RALGPS2: variants seen among roughly 807,000 people sequenced by gnomAD.
The protein encoded by RALGPS2 is Ral GEF with PH domain and SH3 binding motif 2.
A neutral mutation model predicts 86.8 loss-of-function variants in RALGPS2; 43 were observed. That is an observed-to-expected ratio of 0.50 (90% CI 0.39 to 0.64). RALGPS2 has a LOEUF of 0.64. Ranked by LOEUF, RALGPS2 falls within the 30% of genes least tolerant of loss-of-function variation. The pLI, the probability that RALGPS2 is intolerant of heterozygous loss-of-function variation, is 0.00. For missense variants in RALGPS2, 536 were observed against 694.6 expected (o/e 0.77, Z 2.57); for synonymous variants, 243 against 231.3 (o/e 1.05, Z -0.46).
intron 1 of RALGPS2, among the ~76,000 whole-genome samples, chr1:178,727,446 A>G (rs572352374): frequency 6.6e-6 from 1 of 152,282 alleles, no homozygotes; most frequent in Admixed American, 6.5e-5. Context: ...GTTTGCCTAA[A>G]TTTTTTCAGA....
chr1:178,758,774 T>G (rs1189443859), intron 1 of RALGPS2, among the ~76,000 whole-genome samples: 1 of 152,214 alleles, frequency 6.6e-6, no homozygotes, highest in African/African-American at 2.4e-5. Context: ...TGTATATGTA[T>G]AATATTTTCT....
intron 8 of RALGPS2, among the ~76,000 whole-genome samples, chr1:178,837,990 C>T (rs186573325): frequency 1.9e-3 from 288 of 152,178 alleles, no homozygotes; most frequent in Non-Finnish European, 2.8e-3. Flanking sequence ...AAGGGGCATC[C>T]GCCATTGCTG....
intron 1 of RALGPS2, among the ~76,000 whole-genome samples, chr1:178,766,227 C>T (rs1041303766): frequency 5.3e-5 from 8 of 152,072 alleles, no homozygotes; most frequent in African/African-American, 9.7e-5. Context: ...TTATGTTCTT[C>T]GGCCATGGCT....
intron 8 of RALGPS2, among the ~76,000 whole-genome samples, chr1:178,839,342 A>C (rs543268735): frequency 6.6e-6 from 1 of 152,348 alleles, no homozygotes; most frequent in East Asian, 1.9e-4. Flanking sequence ...GGCAGAAGAG[A>C]GTGAGGGCCA....
At chr1:178,753,261 T>G (rs1339018588) in intron 1 of RALGPS2, among the ~76,000 whole-genome samples, 1 of 152,224 alleles carries the variant, frequency 6.6e-6, no homozygotes, top group Non-Finnish European at 1.5e-5. Context: ...CTTTCATTCT[T>G]ACACATTTGA....
In RALGPS2 at chr1:178,879,619, A is replaced by G. The variant is rs187942165; in HGVS notation, c.836+627A>G. On this transcript the variant is annotated intron_variant, in intron 10 of 19. Transcript: ENST00000367635. ...ACCAGCCTGACCAATATAGTGAAAC[A>G]CTGTCTGTACTAAAAATACAGAATT... 3.3e-3 allele frequency: 509 copies of G among 152,214 alleles called. 2 individuals carry two copies. The highest frequency in any genetic ancestry group is 0.01 in the Middle Eastern group (3 of 296). The allele number at this position is 152,214 out of a possible 1,614,324, so 9.4% of individuals were successfully genotyped here.
chr1:178,844,863 A>C (rs1226373348), intron 8 of RALGPS2, among the ~76,000 whole-genome samples: 1 of 152,182 alleles, frequency 6.6e-6, no homozygotes, highest in Non-Finnish European at 1.5e-5. Flanking sequence ...TATGTACTAC[A>C]AAGATGCAGT....
intron 1 of RALGPS2, among the ~76,000 whole-genome samples, chr1:178,728,677 C>G (rs1360076429): frequency 1.3e-5 from 2 of 152,038 alleles, no homozygotes; most frequent in Non-Finnish European, 2.9e-5. Context: ...TTGCATTACC[C>G]TGTAAATTGT....
chr1:178,753,522 G>C (rs751202400), intron 1 of RALGPS2: 1 of 152,110 alleles, frequency 6.6e-6, no homozygotes, highest in Non-Finnish European at 1.5e-5. Flanking sequence ...CTGTTCCTCG[G>C]CTCATTTTGT....
At chr1:178,860,941 G>A (rs773374961) in intron 8 of RALGPS2, among the ~76,000 whole-genome samples, 6 of 152,122 alleles carry the variant, frequency 3.9e-5, no homozygotes, top group Non-Finnish European at 7.4e-5. Flanking sequence ...GTGAATAATT[G>A]AGCACATTGT....
intron 1 of RALGPS2, among the ~76,000 whole-genome samples, chr1:178,728,850 C>T (rs1183836906): frequency 6.6e-6 from 1 of 152,030 alleles, no homozygotes. Flanking sequence ...AAATAAAACA[C>T]TGGAATTTAA....
intron 8 of RALGPS2, among the ~76,000 whole-genome samples, chr1:178,870,582 A>G (rs1658695120): frequency 1.3e-5 from 2 of 152,184 alleles, no homozygotes; most frequent in African/African-American, 4.8e-5. Context: ...TAATGTTTTT[A>G]TGTCAAGTTG....
At chr1:178,743,637 C>G (rs992629861) in intron 1 of RALGPS2, among the ~76,000 whole-genome samples, 75 of 152,098 alleles carry the variant, frequency 4.9e-4, no homozygotes, top group African/African-American at 1.7e-3. Context: ...TCTAACTGTG[C>G]TGATTGAGAT....
At chr1:178,733,284 A>G (rs773897784) in intron 1 of RALGPS2, among the ~76,000 whole-genome samples, 11 of 152,242 alleles carry the variant, frequency 7.2e-5, no homozygotes, top group Non-Finnish European at 1.3e-4. Context: ...GGAAAAGGCA[A>G]GTAACACACT....
chr1:178,769,480 A>G (rs1652677462), intron 1 of RALGPS2, among the ~76,000 whole-genome samples: 1 of 151,934 alleles, frequency 6.6e-6, no homozygotes, highest in African/African-American at 2.4e-5. Flanking sequence ...CTGCCTGGGT[A>G]TGAAGCAGAG....
intron 7 of RALGPS2, among the ~76,000 whole-genome samples, chr1:178,827,194 T>C (rs1478941816): frequency 1.3e-5 from 2 of 152,216 alleles, no homozygotes; most frequent in East Asian, 3.8e-4. Flanking sequence ...TGTTTGTGCA[T>C]TGGAAGAATT....
At chr1:178,789,588 G>T (rs1452787386) in intron 4 of RALGPS2, among the ~76,000 whole-genome samples, 4 of 152,216 alleles carry the variant, frequency 2.6e-5, no homozygotes, top group Non-Finnish European at 5.9e-5. Flanking sequence ...TGACATGCCT[G>T]TTAGACAGCC....
In RALGPS2 at chr1:178,897,819, G is replaced by GCAGTC. The variant is rs1402958325; in HGVS notation, c.1524+65_1524+69dup. 74 of 1,444,192 alleles carry GCAGTC rather than the reference G, an allele frequency of 5.1e-5. No individual in the cohort carries two copies. The East Asian group carries it at 1.6e-3, about 31-fold the overall frequency. The allele number at this position is 1,444,192 out of a possible 1,614,324, so 89.5% of individuals were successfully genotyped here. Reference sequence around the variant, plus strand: ...CAGACTGTTCATGGTTATAAAGAAAGCAGTCCTAATGGGATACAAAGGTTT... The same window carrying GCAGTC: ...CAGACTGTTCATGGTTATAAAGAAAGCAGTCCAGTCCTAATGGGATACAAAGGTTT... On this transcript the variant is annotated intron_variant, in intron 17 of 19. Coordinates refer to ENST00000367635, the MANE Select transcript of RALGPS2 (RefSeq NM_152663.5).
At chr1:178,879,089 T>C in intron 10 of RALGPS2, 97 bp downstream of exon 10, 3 of 1,479,362 alleles carry the variant, frequency 2.0e-6, no homozygotes, top group Non-Finnish European at 2.7e-6. Context: ...CATGGTATCA[T>C]ACAAAGGACT....
Sources: allele counts gnomAD v4.1 joint callset (sites outside exome capture counted in the v4.1 genomes callset), GRCh38; gene constraint gnomAD v4.1.1; transcripts MANE v1.5; gene names NCBI Gene and HGNC (gene_info 2026-07-23, HGNC 2026-07-21).